ROCK1: variants seen among roughly 807,000 people sequenced by gnomAD.
ROCK1 encodes the protein rho-associated protein kinase 1.
A neutral mutation model predicts 196.8 loss-of-function variants in ROCK1; 36 were observed. That is an observed-to-expected ratio of 0.18 (90% CI 0.14 to 0.24). The LOEUF is 0.24. Ranked by LOEUF, ROCK1 falls within the 10% of genes least tolerant of loss-of-function variation. The pLI, the probability that ROCK1 is intolerant of heterozygous loss-of-function variation, is 1.00. For missense variants in ROCK1, 920 were observed against 1,562.0 expected (o/e 0.59, Z 6.93); for synonymous variants, 443 against 515.9 (o/e 0.86, Z 1.91).
At chr18:20,953,297 T>A (rs2035208176) in intron 32 of ROCK1, 2 of 266,938 alleles carry the variant, frequency 7.5e-6, no homozygotes, top group South Asian at 9.2e-5. Context: ...ATTAAAAAAA[T>A]TAAGTTGGTT....
At chr18:20,953,276 T>C (rs1442236391) in intron 32 of ROCK1, 1 of 228,582 alleles carries the variant, frequency 4.4e-6, no homozygotes, top group Non-Finnish European at 8.4e-6. Flanking sequence ...AAGTTTTATA[T>C]GAATTTCTGC....
chr18:21,070,724 T>C, intron 1 of ROCK1, 111 bp from the exon 2 acceptor site: 1 of 630,184 alleles, frequency 1.6e-6, no homozygotes, highest in South Asian at 3.1e-5. Context: ...TAACACATCT[T>C]GTGTACATTT....
In ROCK1 at chr18:20,970,382, T is replaced by C; in HGVS notation, c.2786A>G (p.Gln929Arg). 4 of 1,613,992 alleles carry C rather than the reference T, an allele frequency of 2.5e-6. No homozygotes were observed. Among genetic ancestry groups the C allele is most frequent in the Non-Finnish European group, 1.7e-6 (2 of 1,179,882 alleles). ...ESKKAASRNRQEITDKDHTVS... is the reference protein window; with the variant it reads ...ESKKAASRNRREITDKDHTVS... ...AGTGTGATCTTTATCTGTAATCTCT[T>C]GTCTATTTCTTGAAGCAGCTTTCTT... The change falls in exon 23 of 33, where the codon CAA (glutamine) becomes CGA (arginine). Residue 929 changes from glutamine (Q) to arginine (R), a missense_variant. By Grantham distance (43) the Gln-to-Arg change is conservative (BLOSUM62 1). Coordinates refer to ENST00000399799, the MANE Select transcript of ROCK1 (RefSeq NM_005406.3).
intron 2 of ROCK1, among the ~76,000 whole-genome samples, chr18:21,061,650 G>T (rs1006597518): frequency 3.9e-5 from 6 of 152,184 alleles, no homozygotes; most frequent in African/African-American, 1.4e-4. Flanking sequence ...ATGGAATCCA[G>T]ATTCTAACAA....
chr18:21,042,262 G>A lies in ROCK1; in HGVS notation c.821-27C>T, dbSNP rs563382378. On this transcript the variant is annotated intron_variant, in intron 7 of 32. Coordinates refer to ENST00000399799, the MANE Select transcript of ROCK1 (RefSeq NM_005406.3). ...TGAAAAATTGATAAAGAAAACAAAAGCAAAATGAAATACATTTTTAAAAAG... is the reference window on the plus strand; with the variant it reads ...TGAAAAATTGATAAAGAAAACAAAAACAAAATGAAATACATTTTTAAAAAG... The A allele has an allele frequency of 6.5e-4, 990 of 1,534,086 alleles. 14 individuals are homozygous for A. The South Asian group carries it at 0.01, about 16-fold the overall frequency.
chr18:21,045,901 T>TTC (rs1350767308), intron 4 of ROCK1, among the ~76,000 whole-genome samples: 12,108 of 58,766 alleles, frequency 0.21, 2,426 homozygotes, highest in African/African-American at 0.5. Context: ...TTTCAGCTGT[T>TTC]TTTTTTTTTT....
At chr18:21,104,877 T>C (rs974935663) in intron 1 of ROCK1, among the ~76,000 whole-genome samples, 2 of 152,208 alleles carry the variant, frequency 1.3e-5, no homozygotes, top group Admixed American at 1.3e-4. Context: ...TCCCCATTTA[T>C]TGAATCTATT....
chr18:20,980,980 T>C (rs879899802), intron 21 of ROCK1, among the ~76,000 whole-genome samples: 3 of 151,708 alleles, frequency 2.0e-5, no homozygotes, highest in African/African-American at 7.3e-5. Flanking sequence ...GAAGACGTTA[T>C]AAAGAAATTT....
At chr18:20,970,819 G>A (rs1473456790) in intron 22 of ROCK1, among the ~76,000 whole-genome samples, 1 of 152,206 alleles carries the variant, frequency 6.6e-6, no homozygotes, top group East Asian at 1.9e-4. Flanking sequence ...ATGGAAGGCA[G>A]CGTGGCATAG....
intron 2 of ROCK1, among the ~76,000 whole-genome samples, chr18:21,058,459 A>G (rs1322043165): frequency 2.0e-5 from 3 of 152,212 alleles, no homozygotes; most frequent in Admixed American, 2.0e-4. Flanking sequence ...CTGTTTGACC[A>G]GAATACTGCT....
At chr18:20,969,283 T>C (rs894085863) in intron 23 of ROCK1, 75 bp from the exon 24 acceptor site, 9 of 823,064 alleles carry the variant, frequency 1.1e-5, no homozygotes, top group Non-Finnish European at 1.2e-5. Flanking sequence ...CCTTTAAATA[T>C]ACTGCTAGAT....
At chr18:20,980,036 T>C in intron 21 of ROCK1, 32 bp from the exon 22 acceptor site, 2 of 1,493,372 alleles carry the variant, frequency 1.3e-6, no homozygotes, top group Non-Finnish European at 1.8e-6. Context: ...GAAATAAGTG[T>C]TTATGGTGGG....
chr18:20,994,693 T>C (rs2035655450), intron 16 of ROCK1, among the ~76,000 whole-genome samples: 1 of 152,226 alleles, frequency 6.6e-6, no homozygotes, highest in South Asian at 2.1e-4. Context: ...TAATAAACTA[T>C]ATGGGTTGAA....
rs775903956 is a variant in ROCK1, at chr18:21,028,900, T to C, written c.1087A>G (p.Ile363Val). Residue 363 changes from isoleucine (I) to valine (V), a missense_variant, in exon 10 of 33, where the codon ATT becomes GTT. Ile to Val is a conservative substitution (Grantham distance 29). This residue lies in a region of ROCK1 where 234 missense variants were observed against 460.7 expected (regional missense o/e 0.51). Transcript: ENST00000399799. ...APVVPDLSSD[I>V]DTSNFDDLEE... ...AAGTCATCAAAATTACTAGTATCAA[T>C]GTCACTACTTAAATCGGGTACAACT... 1.5e-5 allele frequency: 24 copies of C among 1,611,824 alleles called. No individual in the cohort carries two copies. Among genetic ancestry groups the C allele is most frequent in the Admixed American group, 5.1e-5 (3 of 59,342 alleles).
chr18:21,059,241 C>G (rs1405529376), intron 2 of ROCK1, among the ~76,000 whole-genome samples: 3 of 152,102 alleles, frequency 2.0e-5, no homozygotes, highest in Non-Finnish European at 4.4e-5. Context: ...TTATCACTAG[C>G]CTAAAATGAC....
chr18:20,991,129 T>C (rs1200663671), intron 18 of ROCK1, 47 bp downstream of exon 18: 2 of 1,521,080 alleles, frequency 1.3e-6, no homozygotes, highest in Admixed American at 2.2e-5. Flanking sequence ...TTTTTTCTAG[T>C]CACTATTTAA....
At chr18:21,028,052 C>T (rs1176520901) in intron 10 of ROCK1, among the ~76,000 whole-genome samples, 11 of 148,684 alleles carry the variant, frequency 7.4e-5, no homozygotes, top group African/African-American at 9.8e-5. Context: ...TGAGCCACCG[C>T]GCCCGGCCCA....
chr18:20,952,012 C>CT (rs1222294320), intron 32 of ROCK1, among the ~76,000 whole-genome samples: 14 of 152,110 alleles, frequency 9.2e-5, no homozygotes, highest in African/African-American at 3.4e-4. Flanking sequence ...GAGCAAACTG[C>CT]TTAATTTCTC....
chr18:20,985,170 C>T (rs1463397272), intron 19 of ROCK1, among the ~76,000 whole-genome samples: 12 of 151,950 alleles, frequency 7.9e-5, no homozygotes, highest in Non-Finnish European at 1.3e-4. Flanking sequence ...ACGTGCTCTA[C>T]TCTACAACCC....
Sources: gnomAD v4.1 joint callset for allele counts (sites outside exome capture counted in the v4.1 genomes callset) on GRCh38, gnomAD v4.1.1 for gene constraint, gnomAD v4.1.1 regional missense constraint, MANE v1.5 for transcripts, NCBI Gene and HGNC (gene_info 2026-07-23, HGNC 2026-07-21) for gene names.